ACOX3: variants seen among roughly 807,000 people sequenced by gnomAD.
ACOX3 encodes acyl-CoA oxidase 3, pristanoyl.
Under a neutral mutation model 81.5 loss-of-function variants are expected in ACOX3, and 73 were observed. The ratio of observed to expected loss-of-function variants is 0.90; its 90% CI spans 0.74 to 1.09. The LOEUF is 1.09. Ranked by LOEUF, ACOX3 falls within the 50% of genes least tolerant of loss-of-function variation. ACOX3 has a pLI of 0.00. For synonymous variants in ACOX3, 387 were observed against 375.1 expected (o/e 1.03, Z -0.37); for missense variants, 947 against 928.0 (o/e 1.02, Z -0.27).
rs1239908507 is a variant in ACOX3 at position 8,414,819 on chromosome 4, A to G, written c.453+35T>C. 1 of 1,592,542 alleles carries G rather than the reference A, an allele frequency of 6.3e-7. No homozygotes were observed. The highest frequency in any genetic ancestry group is 1.1e-5 in the South Asian group (1 of 90,620). On this transcript the variant is annotated intron_variant, in intron 4 of 17. Transcript: ENST00000356406. The surrounding 1 kb of genome is among the most constrained non-coding windows in gnomAD (Gnocchi z 6.1). ...ATCTCTACAGAGATCAAGCAAGAGA[A>G]CCAGGCTCACAATTTACCATGAACC...
chr4:8,433,413 T>C (rs1413755930), intron 1 of ACOX3, among the ~76,000 whole-genome samples: 2 of 152,250 alleles, frequency 1.3e-5, no homozygotes, highest in Non-Finnish European at 2.9e-5. Context: ...ATGCCAATGA[T>C]TGCTGGCAAC....
At chr4:8,357,184 A>G in the ACOX3 span, 1 of 456,728 alleles carries the variant, frequency 2.2e-6, no homozygotes, top group South Asian at 1.5e-5. Flanking sequence ...GCTAACATGA[A>G]GCCAGCAGGT....
intron 13 of ACOX3, among the ~76,000 whole-genome samples, chr4:8,383,589 G>A (rs950744569): frequency 6.6e-6 from 1 of 152,196 alleles, no homozygotes; most frequent in African/African-American, 2.4e-5. Context: ...AGGGAGGCGG[G>A]TAGCCCTGCC....
chr4:8,373,913 A>C (rs146771230), intron 15 of ACOX3: 16,461 of 505,996 alleles, frequency 0.033, 375 homozygotes, highest in South Asian at 0.07. Flanking sequence ...CGCTGGGCTC[A>C]TACCTGCTGG....
intron 17 of ACOX3, among the ~76,000 whole-genome samples, chr4:8,369,200 G>A (rs900528896): frequency 6.6e-5 from 10 of 152,174 alleles, no homozygotes; most frequent in Admixed American, 2.6e-4. Flanking sequence ...AGACAGTCCC[G>A]TGTGCTTGGG....
At position 8,405,969 on chromosome 4, in the gene ACOX3, G is replaced by C. The variant is rs1202314361; in HGVS notation, c.762C>G (p.Asn254Lys). ...CTGTCACTCACCCATTATCCAGACC[G>C]TTCTGCCCGAGTTTTTTTCCTATGT... ...VGDIGKKLGQ[N>K]GLDNGFAMFH... The change falls in exon 7 of 18, where the codon AAC (asparagine) becomes AAG (lysine). Residue 254 changes from asparagine (N) to lysine (K), a missense_variant. Coordinates refer to ENST00000356406, the MANE Select transcript of ACOX3 (RefSeq NM_003501.3). This position sits in a 1 kb window ranked among gnomAD's most constrained non-coding sequence, Gnocchi z 7.1. The C allele has an allele frequency of 6.2e-7, 1 of 1,614,152 alleles. No individual in the cohort carries two copies. Among genetic ancestry groups the C allele is most frequent in the Non-Finnish European group, 8.5e-7 (1 of 1,180,008 alleles).
chr4:8,371,764 G>T (rs1716233340), intron 16 of ACOX3, among the ~76,000 whole-genome samples: 1 of 152,280 alleles, frequency 6.6e-6, no homozygotes, highest in Admixed American at 6.5e-5. Flanking sequence ...GCAGACAAAT[G>T]CCACTGCTCC....
chr4:8,393,604 GACACACACACGCACACACAC>G (rs1719286210), intron 10 of ACOX3, among the ~76,000 whole-genome samples: 1 of 142,814 alleles, frequency 7.0e-6, no homozygotes, highest in Non-Finnish European at 1.5e-5. Context: ...TTAAGAGGAA[GACACACACACGCACACACAC>G]ACACACACAC....
At position 8,375,073 on chromosome 4, in the gene ACOX3, G is replaced by A. The variant is rs764316353; in HGVS notation, c.1733C>T (p.Pro578Leu). Reference protein sequence around the residue: ...VQRFHEHVHQPSVPPSLRAVL... With the variant: ...VQRFHEHVHQLSVPPSLRAVL... Reference sequence around the variant, plus strand: ...GGCCCGCAGCGAGGGCGGCACGGAAGGCTGGTGCACGTGCTCGTGGAACCT... The same window carrying A: ...GGCCCGCAGCGAGGGCGGCACGGAAAGCTGGTGCACGTGCTCGTGGAACCT... Residue 578 changes from proline to leucine, a missense_variant, in exon 15 of 18, where the codon CCT (proline) becomes CTT (leucine). Pro to Leu is a moderately conservative substitution (Grantham distance 98). Transcript: ENST00000356406. 1 of 1,554,704 alleles carries A rather than the reference G, an allele frequency of 6.4e-7. No homozygotes were observed. Among genetic ancestry groups the A allele is most frequent in the Non-Finnish European group, 8.7e-7 (1 of 1,148,958 alleles).
rs368983703 is a variant in ACOX3 at position 8,405,991 on chromosome 4, A to G, written c.740T>C (p.Ile247Thr). 53 of 1,613,896 alleles carry G rather than the reference A, an allele frequency of 3.3e-5. No individual in the cohort carries two copies. Among genetic ancestry groups the G allele is most frequent in the Non-Finnish European group, 4.0e-5 (47 of 1,180,014 alleles). ...LPMPGVMVGD[I>T]GKKLGQNGLD... is the part of the protein sequence containing the mutation. ...ACCGTTCTGCCCGAGTTTTTTTCCTATGTCGCCAACCATCACTCCAGGCAT... is the reference window on the plus strand; with the variant it reads ...ACCGTTCTGCCCGAGTTTTTTTCCTGTGTCGCCAACCATCACTCCAGGCAT... Residue 247 changes from isoleucine to threonine, a missense_variant, in exon 7 of 18, where the codon ATA becomes ACA. Ile to Thr is a moderately conservative substitution (Grantham distance 89). Coordinates refer to ENST00000356406, the MANE Select transcript of ACOX3 (RefSeq NM_003501.3). The surrounding 1 kb of genome is among the most constrained non-coding windows in gnomAD (Gnocchi z 7.1).
At chr4:8,440,479 A>T (rs1020660584) in intron 1 of ACOX3, among the ~76,000 whole-genome samples, 169 bp downstream of exon 1, 1 of 152,226 alleles carries the variant, frequency 6.6e-6, no homozygotes, top group Admixed American at 6.5e-5. Flanking sequence ...AGCTTTCATA[A>T]GAGGACTCAT....
intron 11 of ACOX3, among the ~76,000 whole-genome samples, chr4:8,391,328 G>C (rs780409848): frequency 3.9e-5 from 6 of 152,220 alleles, no homozygotes; most frequent in Non-Finnish European, 8.8e-5. Flanking sequence ...GTGCGAGTTA[G>C]AACTGCAGTG....
At chr4:8,404,742 G>A (rs981183379) in intron 7 of ACOX3, among the ~76,000 whole-genome samples, 2 of 152,164 alleles carry the variant, frequency 1.3e-5, no homozygotes, top group Admixed American at 6.5e-5. Flanking sequence ...ACTCCTGTAA[G>A]GCAGGCTCCT....
rs1011015335 is a variant in ACOX3, at chr4:8,375,022, T to C, written c.1784A>G (p.Tyr595Cys). 9.0e-6 allele frequency: 14 copies of C among 1,554,376 alleles called. No individual in the cohort carries two copies. In the Admixed American group the frequency reaches 9.8e-5, roughly 11 times the overall value. ...RAVLGRLSAL[Y>C]ALWSLSRHAA... ...GTGGCGGCTCAGGGACCACAGGGCG[T>C]ACAGAGCACTGAGCCGCCCCAGCAC... The change falls in exon 15 of 18, where the codon TAC becomes TGC. Residue 595 changes from tyrosine (Y) to cysteine (C), a missense_variant. Tyr to Cys is a radical substitution (Grantham distance 194, BLOSUM62 -2). Coordinates refer to ENST00000356406, the MANE Select transcript of ACOX3 (RefSeq NM_003501.3).
In ACOX3 at chr4:8,386,846, G is replaced by T. The variant is rs1223158058; in HGVS notation, c.1537+2327C>A. Among the ~76,000 whole-genome samples the T allele has an allele frequency of 2.0e-5, 3 of 152,240 alleles. No individual in the cohort carries two copies. The highest frequency in any genetic ancestry group is 4.4e-5 in the Non-Finnish European group (3 of 68,044). On this transcript the variant is annotated intron_variant, in intron 13 of 17. Transcript: ENST00000356406. This position sits in a 1 kb window ranked among gnomAD's most constrained non-coding sequence, Gnocchi z 5.2. ...CGGCTGTTGTCCTGTTCTTTGCCGT[G>T]TGAACAAGGAAGTAGCCTGTAGGGC...
At chr4:8,425,534 C>G (rs1030733602) in intron 1 of ACOX3, among the ~76,000 whole-genome samples, 1 of 151,170 alleles carries the variant, frequency 6.6e-6, no homozygotes. Flanking sequence ...CTTTTCAAAA[C>G]TATCAAGCAG....
At chr4:8,358,107 A>G in the ACOX3 span, 1 of 152,356 alleles carries the variant, frequency 6.6e-6, no homozygotes, top group South Asian at 2.1e-4. Flanking sequence ...GCATCACATG[A>G]CACATAGTAG....
chr4:8,355,949 G>A, the ACOX3 span: 1 of 162,814 alleles, frequency 6.1e-6, no homozygotes, highest in South Asian at 1.6e-4. Flanking sequence ...AGCCACAGTA[G>A]GGGCAATAAG....
At position 8,414,253 on chromosome 4, in the gene ACOX3, T is replaced by C; in HGVS notation, c.543+39A>G. 6.4e-7 allele frequency: 1 copy of C among 1,556,954 alleles called. No homozygotes were observed. The highest frequency in any genetic ancestry group is 8.9e-7 in the Non-Finnish European group (1 of 1,128,382). ...GCATTTGCACTCATGACGTCTCATA[T>C]GCTCCAAACTCAGGGACCCGGGGGA... On this transcript the variant is annotated intron_variant, in intron 5 of 17. Coordinates refer to ENST00000356406, the MANE Select transcript of ACOX3 (RefSeq NM_003501.3). The surrounding 1 kb of genome is among the most constrained non-coding windows in gnomAD (Gnocchi z 6.1).
Sources: gnomAD v4.1 joint callset for allele counts (sites outside exome capture counted in the v4.1 genomes callset) on GRCh38, gnomAD v4.1.1 for gene constraint, Gnocchi (gnomAD v3.1) non-coding constraint, MANE v1.5 for transcripts, NCBI Gene and HGNC (gene_info 2026-07-23, HGNC 2026-07-21) for gene names.